The following PM20D1 variants were observed in gnomAD, a reference collection of about 807,000 sequenced individuals.
The protein encoded by PM20D1 is peptidase M20 domain containing 1.
PM20D1 carries 53 observed loss-of-function variants against 53.8 expected under a neutral mutation model. The observed-to-expected ratio is 0.98, with a 90% CI of 0.79 to 1.24. PM20D1 has a LOEUF of 1.24. Among genes scored for constraint, PM20D1 ranks in the 50% most tolerant of loss-of-function variants. The pLI, the probability that PM20D1 is intolerant of heterozygous loss-of-function variation, is 0.00. For missense variants in PM20D1, 564 were observed against 616.8 expected (o/e 0.91, Z 0.91); for synonymous variants, 239 against 241.3 (o/e 0.99, Z 0.09).
chr1:205,828,894 T>G, intron 12 of PM20D1, 151 bp from the exon 13 acceptor site: 3 of 941,854 alleles, frequency 3.2e-6, no homozygotes, highest in Middle Eastern at 3.2e-4. Flanking sequence ...GGAGGGGCCA[T>G]CTGAGATTTC....
At chr1:205,843,548 A>G (rs1656866205) in intron 6 of PM20D1, 119 bp downstream of exon 6, 3 of 1,408,806 alleles carry the variant, frequency 2.1e-6, no homozygotes, top group Non-Finnish European at 1.9e-6. Context: ...AATTTTTTAT[A>G]GCATAGTTTC....
At chr1:205,833,968 C>T (rs553795572) in intron 10 of PM20D1, among the ~76,000 whole-genome samples, 76 of 151,818 alleles carry the variant, frequency 5.0e-4, no homozygotes, top group African/African-American at 1.8e-3. Flanking sequence ...CTGCCTCAGC[C>T]TCCCGAGTAG....
At chr1:205,842,928 G>C (rs985773877) in intron 6 of PM20D1, among the ~76,000 whole-genome samples, 177 bp from the exon 7 acceptor site, 1 of 152,140 alleles carries the variant, frequency 6.6e-6, no homozygotes, top group Middle Eastern at 3.4e-3. Context: ...ACATCCCCAG[G>C]AGCTTTCCCT....
intron 2 of PM20D1, 117 bp downstream of exon 2, chr1:205,847,768 G>A: frequency 1.3e-6 from 1 of 742,284 alleles, no homozygotes; most frequent in Admixed American, 2.3e-5. Context: ...CTCTGCCTAT[G>A]GGAATTAGAT....
At chr1:205,841,115 G>A (rs1304243974) in intron 9 of PM20D1, among the ~76,000 whole-genome samples, 2 of 152,280 alleles carry the variant, frequency 1.3e-5, no homozygotes, top group African/African-American at 2.4e-5. Flanking sequence ...CGACCTTCTA[G>A]CAGGGATTGG....
In PM20D1 at chr1:205,845,316, A is replaced by C. The variant is rs1242672755; in HGVS notation, c.489+9T>G. The C allele has an allele frequency of 6.2e-7, 1 of 1,611,434 alleles. No homozygotes were observed. Among genetic ancestry groups the C allele is most frequent in the Admixed American group, 1.7e-5 (1 of 60,022 alleles). On this transcript the variant is annotated intron_variant, in intron 3 of 12. Coordinates refer to ENST00000367136, the MANE Select transcript of PM20D1 (RefSeq NM_152491.5). ...GGCCCCAAGGCAGAGGGAACATTGCATCTCAGACCATCACAGAGTTCTTGT... is the reference window on the plus strand; with the variant it reads ...GGCCCCAAGGCAGAGGGAACATTGCCTCTCAGACCATCACAGAGTTCTTGT...
rs1372775214 is a variant in PM20D1 at position 205,843,540 on chromosome 1, T to C, written c.827+127A>G. 8 of 1,384,614 alleles carry C rather than the reference T, an allele frequency of 5.8e-6. No individual in the cohort carries two copies. In the East Asian group the frequency reaches 1.8e-4, roughly 32 times the overall value. 85.8% of individuals were successfully genotyped at this position (1,384,614 alleles called of 1,614,324 possible). A position where few individuals can be genotyped will look rare whatever the true frequency, so the allele number is the denominator to read the frequency against. ...CCTTCTGTTCTTCCTCTAGTGTCAATTTTTTATAGCATAGTTTCCCAGCCC... is the reference window on the plus strand; with the variant it reads ...CCTTCTGTTCTTCCTCTAGTGTCAACTTTTTATAGCATAGTTTCCCAGCCC... On this transcript the variant is annotated intron_variant, in intron 6 of 12. Coordinates refer to ENST00000367136, the MANE Select transcript of PM20D1 (RefSeq NM_152491.5).
In PM20D1 at chr1:205,842,712, C is replaced by T. The variant is rs371201449; in HGVS notation, c.867G>A (p.Gly289=). The part of the protein sequence containing the change: ...QTPMPIIFGS[G]TVVTVLQQLA... ...GTTGCTGCAATACAGTCACCACTGT[C>T]CCGCTTCCAAATATGATAGGCATTG... The change falls in exon 7 of 13, where the codon GGG becomes GGA. Residue 289 remains glycine (G), a synonymous_variant. Coordinates refer to ENST00000367136, the MANE Select transcript of PM20D1 (RefSeq NM_152491.5). 145 of 1,614,008 alleles carry T rather than the reference C, an allele frequency of 9.0e-5. 1 individual carries two copies. The highest frequency in any genetic ancestry group is 1.2e-4 in the Non-Finnish European group (142 of 1,180,048).
chr1:205,838,507 A>G (rs968483393), intron 10 of PM20D1, among the ~76,000 whole-genome samples: 2 of 152,148 alleles, frequency 1.3e-5, no homozygotes, highest in Admixed American at 6.5e-5. Flanking sequence ...GCAATTATAC[A>G]TTCATTTTTA....
intron 10 of PM20D1, among the ~76,000 whole-genome samples, chr1:205,836,812 CT>C (rs1321968187): frequency 1.3e-5 from 2 of 152,128 alleles, no homozygotes; most frequent in African/African-American, 4.8e-5. Context: ...CCTGCCTCTC[CT>C]TTTTTTGACA....
chr1:205,832,442 A>G (rs1656579726), intron 11 of PM20D1, among the ~76,000 whole-genome samples, 156 bp downstream of exon 11: 1 of 148,702 alleles, frequency 6.7e-6, no homozygotes, highest in African/African-American at 2.5e-5. Context: ...TCTCACTTCC[A>G]CTCTGAAGGG....
At chr1:205,844,698 A>G (rs926520153) in intron 4 of PM20D1, 113 bp downstream of exon 4, 1 of 921,586 alleles carries the variant, frequency 1.1e-6, no homozygotes, top group Non-Finnish European at 1.6e-6. Flanking sequence ...GAAGTTGGCA[A>G]ACTACCGTAT....
At chr1:205,830,961 G>A (rs1656545042) in intron 11 of PM20D1, among the ~76,000 whole-genome samples, 1 of 152,164 alleles carries the variant, frequency 6.6e-6, no homozygotes, top group African/African-American at 2.4e-5. Context: ...ATCACTCTAG[G>A]TCAGAAATAA....
chr1:205,832,149 C>T (rs956469351), intron 11 of PM20D1, among the ~76,000 whole-genome samples: 3 of 152,096 alleles, frequency 2.0e-5, no homozygotes, highest in African/African-American at 7.2e-5. Flanking sequence ...AGGGGTGCTG[C>T]TGGGATTGGT....
intron 11 of PM20D1, among the ~76,000 whole-genome samples, chr1:205,832,173 C>T (rs1021299771): frequency 6.6e-6 from 1 of 152,092 alleles, no homozygotes; most frequent in African/African-American, 2.4e-5. Context: ...GGCTGGGAAA[C>T]GTAAATTAGG....
Position 205,842,723 on chromosome 1 carries a change from A to G in PM20D1, c.856T>C (p.Phe286Leu). Residue 286 changes from phenylalanine to leucine, a missense_variant, in exon 7 of 13, where the codon TTT becomes CTT. By Grantham distance (22) the Phe-to-Leu change is conservative (BLOSUM62 0). Coordinates refer to ENST00000367136, the MANE Select transcript of PM20D1 (RefSeq NM_152491.5). The stretch of plus-strand genomic sequence containing the variant: ...ACAGTCACCACTGTCCCGCTTCCAA[A>G]TATGATAGGCATTGGTGTCTGCTCC... ...RLEQTPMPII[F>L]GSGTVVTVLQ... 6.2e-7 allele frequency: 1 copy of G among 1,614,104 alleles called. No homozygotes were observed. Among genetic ancestry groups the G allele is most frequent in the Non-Finnish European group, 8.5e-7 (1 of 1,180,040 alleles).
At chr1:205,844,267 C>T in intron 4 of PM20D1, 50 bp from the exon 5 acceptor site, 1 of 1,530,728 alleles carries the variant, frequency 6.5e-7, no homozygotes, top group Non-Finnish European at 8.8e-7. Context: ...AGAGACAGAC[C>T]TCCAGACATA....
intron 1 of PM20D1, 123 bp from the exon 2 acceptor site, chr1:205,848,094 T>A: frequency 1.2e-6 from 1 of 868,368 alleles, no homozygotes; most frequent in Non-Finnish European, 1.9e-6. Flanking sequence ...AAAACACTAA[T>A]GTGAGGTAGG....
intron 12 of PM20D1, among the ~76,000 whole-genome samples, chr1:205,829,200 A>AT (rs1558089291): frequency 6.6e-6 from 1 of 151,576 alleles, no homozygotes; most frequent in South Asian, 2.1e-4. Flanking sequence ...TTATTTTTAA[A>AT]TTTTTTTTTG....
Sources: gnomAD v4.1 joint callset for allele counts (sites outside exome capture counted in the v4.1 genomes callset) on GRCh38, gnomAD v4.1.1 for gene constraint, MANE v1.5 for transcripts, NCBI Gene and HGNC (gene_info 2026-07-23, HGNC 2026-07-21) for gene names.